Variants in DACH1 observed in about 807,000 individuals in gnomAD.
DACH1 encodes the protein dachshund family transcription factor 1, also known as dachshund homolog 1.
A neutral mutation model predicts 54.2 loss-of-function variants in DACH1; 12 were observed. The ratio of observed to expected loss-of-function variants is 0.22; its 90% CI spans 0.14 to 0.36. The LOEUF (loss-of-function observed/expected upper bound fraction) is 0.36. DACH1 is among the 10% of genes least tolerant of loss of function. DACH1 has a pLI of 1.00. For missense variants in DACH1, 805 were observed against 929.8 expected, an observed-to-expected ratio of 0.87 and a Z score of 1.75; for synonymous variants, 386 against 366.2, an observed-to-expected ratio of 1.05 and a Z score of -0.62.
At chr13:71,481,578 C>G (rs550238758) in intron 7 of DACH1, among the ~76,000 whole-genome samples, 36 of 152,276 alleles carry the variant, frequency 2.4e-4, no homozygotes, top group Non-Finnish European at 4.7e-4. Flanking sequence ...ATCCAATACT[C>G]TCTGGGACTA....
At chr13:71,466,022 C>CAA (rs1876533306) in intron 10 of DACH1, among the ~76,000 whole-genome samples, 1 of 152,082 alleles carries the variant, frequency 6.6e-6, no homozygotes, top group African/African-American at 2.4e-5. Context: ...TTCTTTCTTA[C>CAA]AAAGGTAATC....
chr13:71,796,813 C>T (rs1887073229), intron 1 of DACH1, among the ~76,000 whole-genome samples: 1 of 152,006 alleles, frequency 6.6e-6, no homozygotes, highest in South Asian at 2.1e-4. Context: ...TAAACTTTGC[C>T]TTGTAGAAAA....
chr13:71,574,311 T>C (rs1885403325), intron 3 of DACH1, among the ~76,000 whole-genome samples: 1 of 152,150 alleles, frequency 6.6e-6, no homozygotes, highest in Non-Finnish European at 1.5e-5. Flanking sequence ...TAAATTAATT[T>C]AACATTAATT....
At chr13:71,789,670 GT>G (rs1374857794) in intron 1 of DACH1, among the ~76,000 whole-genome samples, 2 of 152,168 alleles carry the variant, frequency 1.3e-5, no homozygotes, top group East Asian at 3.9e-4. Context: ...CATTAGTGGG[GT>G]TTTCTCTGAC....
chr13:71,590,875 C>CTTTTTTTTT (rs71123234), intron 3 of DACH1, among the ~76,000 whole-genome samples: 117 of 85,092 alleles, frequency 1.4e-3, no homozygotes, highest in Middle Eastern at 0.013. Flanking sequence ...CTCTCTCTTT[C>CTTTTTTTTT]TTTTTTTTTT....
intron 1 of DACH1, among the ~76,000 whole-genome samples, chr13:71,844,169 T>C (rs1873066237): frequency 6.6e-6 from 1 of 152,292 alleles, no homozygotes; most frequent in African/African-American, 2.4e-5. Flanking sequence ...TAATAGAATT[T>C]AGAACTGAGT....
At chr13:71,684,634 G>T (rs1422778576) in intron 1 of DACH1, among the ~76,000 whole-genome samples, 1 of 152,006 alleles carries the variant, frequency 6.6e-6, no homozygotes, top group Non-Finnish European at 1.5e-5. Context: ...GATAGAGCAT[G>T]GGGAACCTAT....
intron 4 of DACH1, among the ~76,000 whole-genome samples, chr13:71,563,677 T>A (rs554138331): frequency 6.6e-6 from 1 of 151,780 alleles, no homozygotes; most frequent in Non-Finnish European, 1.5e-5. Context: ...TAAATTAGAT[T>A]GAAATCTTTA....
chr13:71,587,969 C>T (rs975108426), intron 3 of DACH1, among the ~76,000 whole-genome samples: 2 of 152,022 alleles, frequency 1.3e-5, no homozygotes, highest in Non-Finnish European at 2.9e-5. Flanking sequence ...TCGGTTGGTC[C>T]TGTAGGGCTC....
chr13:71,617,499 T>G (rs1322426479), intron 3 of DACH1, among the ~76,000 whole-genome samples: 1 of 152,150 alleles, frequency 6.6e-6, no homozygotes, highest in African/African-American at 2.4e-5. Context: ...TGTTATACAA[T>G]TATGCTGCAG....
intron 3 of DACH1, among the ~76,000 whole-genome samples, chr13:71,624,752 C>T (rs1362649982): frequency 2.6e-5 from 4 of 152,036 alleles, no homozygotes; most frequent in Admixed American, 2.6e-4. Context: ...TTGGAATCTG[C>T]TCACAGTACT....
At chr13:71,660,108 G>T (rs1457919831) in intron 2 of DACH1, among the ~76,000 whole-genome samples, 1 of 152,108 alleles carries the variant, frequency 6.6e-6, no homozygotes, top group African/African-American at 2.4e-5. Flanking sequence ...AACATAGCCT[G>T]CTGTAGGGAA....
At chr13:71,703,227 G>T (rs1882248223) in intron 1 of DACH1, among the ~76,000 whole-genome samples, 2 of 152,294 alleles carry the variant, frequency 1.3e-5, no homozygotes, top group South Asian at 4.1e-4. Context: ...CACATAGGCA[G>T]AATGAGAATA....
chr13:71,812,819 T>C lies in DACH1; in HGVS notation c.848+53103A>G, dbSNP rs986918089. Among the ~76,000 whole-genome samples, 6 of 152,194 alleles carry C rather than the reference T, an allele frequency of 3.9e-5. No individual in the cohort carries two copies. The South Asian group carries it at 6.2e-4, about 16-fold the overall frequency. On this transcript the variant is annotated intron_variant, in intron 1 of 10. Transcript: ENST00000613252. ...ATCCTGACCCCCATGACCAAATTTA[T>C]ATTTCAAATATCTACATCTCCTAAA...
At chr13:71,609,515 A>T (rs909935590) in intron 3 of DACH1, among the ~76,000 whole-genome samples, 68 of 151,322 alleles carry the variant, frequency 4.5e-4, no homozygotes, top group Admixed American at 4.5e-3. Context: ...ACAACTAGTT[A>T]AAAAGTTAAA....
At chr13:71,808,265 C>A (rs924949574) in intron 1 of DACH1, among the ~76,000 whole-genome samples, 2 of 152,148 alleles carry the variant, frequency 1.3e-5, no homozygotes, top group African/African-American at 4.8e-5. Flanking sequence ...TACTGTGCTT[C>A]TTCTCAAAGG....
chr13:71,715,974 CA>C (rs1462694383), intron 1 of DACH1, among the ~76,000 whole-genome samples: 5 of 151,976 alleles, frequency 3.3e-5, no homozygotes, highest in Non-Finnish European at 7.4e-5. Context: ...GATATCTGAA[CA>C]TTTCACAAGT....
At chr13:71,452,193 T>C (rs1368741797) in intron 10 of DACH1, among the ~76,000 whole-genome samples, 1 of 152,096 alleles carries the variant, frequency 6.6e-6, no homozygotes, top group Non-Finnish European at 1.5e-5. Flanking sequence ...GCAATGGCAC[T>C]ATCTCATCTC....
intron 1 of DACH1, among the ~76,000 whole-genome samples, chr13:71,743,674 A>G (rs1406014713): frequency 6.6e-6 from 1 of 152,198 alleles, no homozygotes; most frequent in African/African-American, 2.4e-5. Context: ...TGTGTTTCCT[A>G]ATTGCCTTTA....
Sources: allele counts gnomAD v4.1 joint callset (sites outside exome capture counted in the v4.1 genomes callset), GRCh38; gene constraint gnomAD v4.1.1; transcripts MANE v1.5; gene names NCBI Gene and HGNC (gene_info 2026-07-23, HGNC 2026-07-21).